CNTNAP2: variants seen among roughly 807,000 people sequenced by gnomAD.
CNTNAP2 encodes the protein contactin-associated protein-like 2.
Under a neutral mutation model 155.2 loss-of-function variants are expected in CNTNAP2, and 98 were observed. The ratio of observed to expected loss-of-function variants is 0.63; its 90% CI spans 0.54 to 0.75. CNTNAP2 has a LOEUF of 0.75. Ranked by LOEUF, CNTNAP2 falls within the 30% of genes least tolerant of loss-of-function variation. The pLI is 0.00. For missense variants in CNTNAP2, 1,727 were observed against 1,688.1 expected (o/e 1.02, Z -0.40); for synonymous variants, 651 against 631.2 (o/e 1.03, Z -0.47).
chr7:146,922,820 T>C (rs1259621115), intron 3 of CNTNAP2, among the ~76,000 whole-genome samples: 1 of 152,216 alleles, frequency 6.6e-6, no homozygotes, highest in African/African-American at 2.4e-5. Context: ...TGTTAGTTTC[T>C]ATTACTTAGA....
intron 18 of CNTNAP2, among the ~76,000 whole-genome samples, chr7:148,182,295 G>A (rs1272155966): frequency 6.9e-6 from 1 of 144,890 alleles, no homozygotes; most frequent in South Asian, 2.3e-4. Flanking sequence ...GAGCCAAAAA[G>A]GAACTGGTCT....
chr7:148,060,213 T>C (rs1357226108), intron 15 of CNTNAP2, among the ~76,000 whole-genome samples: 1 of 152,192 alleles, frequency 6.6e-6, no homozygotes, highest in Non-Finnish European at 1.5e-5. Context: ...AAGCTTGTTA[T>C]TAAATAAAAA....
intron 11 of CNTNAP2, among the ~76,000 whole-genome samples, chr7:147,543,587 A>G (rs1207857207): frequency 1.3e-5 from 2 of 152,166 alleles, no homozygotes; most frequent in South Asian, 2.1e-4. Context: ...CAACTCTATA[A>G]TAAGGACATG....
At chr7:146,513,788 A>T (rs557619907) in intron 1 of CNTNAP2, among the ~76,000 whole-genome samples, 19 of 152,086 alleles carry the variant, frequency 1.2e-4, no homozygotes, top group Admixed American at 8.5e-4. Flanking sequence ...GAGTCTATAC[A>T]TTAAGATGTT....
chr7:146,769,906 G>A (rs1331205188), intron 1 of CNTNAP2, among the ~76,000 whole-genome samples: 1 of 152,096 alleles, frequency 6.6e-6, no homozygotes, highest in Non-Finnish European at 1.5e-5. Context: ...GGGCCTGCAG[G>A]CCATAGTTTT....
At chr7:146,167,238 A>G (rs1308578260) in intron 1 of CNTNAP2, among the ~76,000 whole-genome samples, 2 of 152,234 alleles carry the variant, frequency 1.3e-5, no homozygotes, top group African/African-American at 2.4e-5. Context: ...TTACTTATAC[A>G]TTAAACATTT....
At chr7:147,891,294 T>C (rs1799689466) in intron 13 of CNTNAP2, among the ~76,000 whole-genome samples, 1 of 151,580 alleles carries the variant, frequency 6.6e-6, no homozygotes, top group Non-Finnish European at 1.5e-5. Context: ...AACCTCTGCC[T>C]CCCGGGTTCA....
intron 1 of CNTNAP2, among the ~76,000 whole-genome samples, chr7:146,635,164 G>C (rs1281035834): frequency 6.6e-6 from 1 of 152,086 alleles, no homozygotes; most frequent in African/African-American, 2.4e-5. Flanking sequence ...AAGATTAGAT[G>C]AAGGAAGAAA....
chr7:147,865,553 G>A (rs943945645), intron 13 of CNTNAP2, among the ~76,000 whole-genome samples: 1 of 152,052 alleles, frequency 6.6e-6, no homozygotes, highest in African/African-American at 2.4e-5. Context: ...AATCTGTCTG[G>A]TTCTGGACTT....
chr7:146,882,442 G>A (rs918023209), intron 3 of CNTNAP2, among the ~76,000 whole-genome samples: 2 of 151,922 alleles, frequency 1.3e-5, no homozygotes, highest in Admixed American at 1.3e-4. Context: ...TCATGGTTCC[G>A]CCATGCTGTT....
chr7:147,365,031 T>C (rs1443062294), intron 9 of CNTNAP2, among the ~76,000 whole-genome samples: 1 of 152,148 alleles, frequency 6.6e-6, no homozygotes, highest in African/African-American at 2.4e-5. Context: ...ATATAGACTA[T>C]GTAAGCTAGT....
chr7:146,226,659 C>T (rs971134474), intron 1 of CNTNAP2, among the ~76,000 whole-genome samples: 1 of 152,112 alleles, frequency 6.6e-6, no homozygotes, highest in African/African-American at 2.4e-5. Context: ...GACCTTGAGA[C>T]TTTGCATCAG....
At chr7:147,206,235 A>G (rs1803020372) in intron 8 of CNTNAP2, among the ~76,000 whole-genome samples, 1 of 150,750 alleles carries the variant, frequency 6.6e-6, no homozygotes, top group Admixed American at 6.7e-5. Flanking sequence ...TTAAAGAAGT[A>G]TGCTTAGATT....
chr7:147,705,224 T>C (rs1013507628), intron 13 of CNTNAP2, among the ~76,000 whole-genome samples: 1 of 152,150 alleles, frequency 6.6e-6, no homozygotes, highest in Non-Finnish European at 1.5e-5. Context: ...TTAGTTTTGC[T>C]TCCATAGTTT....
In CNTNAP2 at chr7:147,639,299, C is replaced by T. The variant is rs752979097; in HGVS notation, c.2091C>T (p.Asn697=). Residue 697 remains asparagine (N), a synonymous_variant, in exon 13 of 24, where the codon AAC becomes AAT. Transcript: ENST00000361727. The part of the protein sequence containing the change: ...SYFCKMSRLL[N]TPDGSPYTWW... Reference sequence around the variant, plus strand: ...TCTGCAAGATGTCAAGATTGTTGAACACCCCAGGTAGGCTGAGAATGGAAT... The same window carrying T: ...TCTGCAAGATGTCAAGATTGTTGAATACCCCAGGTAGGCTGAGAATGGAAT... 5.0e-6 allele frequency: 8 copies of T among 1,613,946 alleles called. No individual in the cohort carries two copies. The Admixed American group carries it at 1.3e-4, about 27-fold the overall frequency.
chr7:146,609,518 TTTGCTG>T (rs1799101019), intron 1 of CNTNAP2, among the ~76,000 whole-genome samples: 1 of 152,194 alleles, frequency 6.6e-6, no homozygotes, highest in Non-Finnish European at 1.5e-5. Context: ...CATCAGTCTG[TTTGCTG>T]TTCATTTTGT....
intron 5 of CNTNAP2, among the ~76,000 whole-genome samples, chr7:147,109,822 A>T (rs1800838761): frequency 6.6e-6 from 1 of 152,186 alleles, no homozygotes; most frequent in Non-Finnish European, 1.5e-5. Context: ...AAGAAAGAAC[A>T]TAGAGAAATG....
intron 21 of CNTNAP2, among the ~76,000 whole-genome samples, chr7:148,368,563 C>A (rs1798825922): frequency 6.6e-6 from 1 of 152,206 alleles, no homozygotes; most frequent in Admixed American, 6.5e-5. Context: ...ATTGTACCAG[C>A]CATAGCAAGG....
intron 18 of CNTNAP2, among the ~76,000 whole-genome samples, chr7:148,181,247 A>G (rs934007084): frequency 7.9e-5 from 12 of 152,082 alleles, no homozygotes; most frequent in African/African-American, 2.9e-4. Context: ...CCCCTAAGAA[A>G]TCCCCTCTCG....
Sources: gnomAD v4.1 joint callset for allele counts (sites outside exome capture counted in the v4.1 genomes callset) on GRCh38, gnomAD v4.1.1 for gene constraint, MANE v1.5 for transcripts, NCBI Gene and HGNC (gene_info 2026-07-23, HGNC 2026-07-21) for gene names.